NTN1: variants seen among roughly 807,000 people sequenced by gnomAD.
NTN1 encodes the protein netrin 1.
Under a neutral mutation model 54.2 loss-of-function variants are expected in NTN1, and 11 were observed. That is an observed-to-expected ratio of 0.20 (90% confidence interval 0.13 to 0.34). The LOEUF is 0.34. NTN1 is among the 10% of genes least tolerant of loss of function. NTN1 has a pLI of 1.00. For missense variants in NTN1, 740 were observed against 893.1 expected (o/e 0.83, Z 2.18); for synonymous variants, 371 against 382.0 (o/e 0.97, Z 0.33).
rs200593162 is a variant in NTN1 at position 9,100,186 on chromosome 17, G to A, written c.1019-62627G>A. On this transcript the variant is annotated intron_variant, in intron 2 of 6. Transcript: ENST00000173229. The stretch of plus-strand genomic sequence containing the variant: ...TTGTATATGCTATGTGTATATGTGT[G>A]TATATATATATTTACATATATATGC... 4.7e-3 allele frequency among the ~76,000 whole-genome samples: 165 copies of A among 35,256 alleles called. No individual in the cohort carries two copies. In the East Asian group the frequency reaches 0.17, roughly 37 times the overall value. The allele number at this position is 35,256 out of a possible 152,430, so 23.1% of individuals were successfully genotyped here.
intron 2 of NTN1, among the ~76,000 whole-genome samples, chr17:9,104,088 C>CAAAA (rs55732200): frequency 0.071 from 5,025 of 70,588 alleles, 534 homozygotes; most frequent in Non-Finnish European, 0.094. Context: ...GACTCCATCT[C>CAAAA]AAAAAAAAAA....
intron 5 of NTN1, among the ~76,000 whole-genome samples, chr17:9,202,027 A>ACAC (rs1904799986): frequency 1.8e-5 from 1 of 54,800 alleles, no homozygotes; most frequent in African/African-American, 6.9e-5. Context: ...CTCTACTAAA[A>ACAC]ATACACACAC....
At chr17:9,162,613 A>G (rs922331451) in intron 2 of NTN1, among the ~76,000 whole-genome samples, 200 bp from the exon 3 acceptor site, 2 of 152,196 alleles carry the variant, frequency 1.3e-5, no homozygotes, top group African/African-American at 4.8e-5. Flanking sequence ...AACCTTAGCC[A>G]TGTATTGTTA....
At chr17:9,187,700 G>GCA (rs1475118396) in intron 5 of NTN1, among the ~76,000 whole-genome samples, 6 of 148,426 alleles carry the variant, frequency 4.0e-5, no homozygotes, top group Non-Finnish European at 5.9e-5. Context: ...GCATGGTGAT[G>GCA]CACACCTGTA....
At chr17:9,004,313 T>G in the NTN1 span, among the ~76,000 whole-genome samples, 11 of 152,184 alleles carry the variant, frequency 7.2e-5, no homozygotes, top group Non-Finnish European at 1.3e-4. Flanking sequence ...AGAAACAGGG[T>G]CGACCTGCAC....
At chr17:9,184,510 A>G (rs2092427514) in intron 5 of NTN1, among the ~76,000 whole-genome samples, 1 of 152,186 alleles carries the variant, frequency 6.6e-6, no homozygotes, top group Admixed American at 6.5e-5. Flanking sequence ...GCTCTCTTTG[A>G]TGTGACATTT....
At chr17:9,108,462 T>C (rs558691587) in intron 2 of NTN1, among the ~76,000 whole-genome samples, 1 of 152,338 alleles carries the variant, frequency 6.6e-6, no homozygotes, top group Non-Finnish European at 1.5e-5. Context: ...TTTTCGACTT[T>C]CTGGCCTTTG....
At chr17:9,177,396 C>T (rs2092403076) in intron 3 of NTN1, 1 of 152,264 alleles carries the variant, frequency 6.6e-6, no homozygotes, top group African/African-American at 2.4e-5. Context: ...TAAAGACAAC[C>T]TGGGCCAATG....
intron 5 of NTN1, among the ~76,000 whole-genome samples, chr17:9,191,860 G>A (rs1467191146): frequency 3.5e-5 from 3 of 85,374 alleles, no homozygotes; most frequent in Non-Finnish European, 6.1e-5. Flanking sequence ...AGACCTTATC[G>A]CTACTAAAAA....
At chr17:9,162,784 C>T (rs779717804) in intron 2 of NTN1, 29 bp from the exon 3 acceptor site, 2 of 1,585,452 alleles carry the variant, frequency 1.3e-6, no homozygotes, top group Admixed American at 3.4e-5. Context: ...GCCCCTGCGG[C>T]TGACACCTCT....
intron 2 of NTN1, among the ~76,000 whole-genome samples, chr17:9,156,004 GTAGGTC>G (rs1053923393): frequency 6.6e-6 from 1 of 152,178 alleles, no homozygotes; most frequent in Non-Finnish European, 1.5e-5. Flanking sequence ...TACATGCTGA[GTAGGTC>G]TCCTGGTCCT....
chr17:9,008,181 CA>C, the NTN1 span, among the ~76,000 whole-genome samples: 1 of 152,024 alleles, frequency 6.6e-6, no homozygotes, highest in African/African-American at 2.4e-5. Context: ...CACTAAAGCC[CA>C]GTGTCTCTGT....
chr17:9,130,875 C>T (rs780607868), intron 2 of NTN1, among the ~76,000 whole-genome samples: 1 of 152,214 alleles, frequency 6.6e-6, no homozygotes, highest in African/African-American at 2.4e-5. Context: ...CATGCATTCT[C>T]TCTTGATTCT....
At chr17:9,111,890 CA>C (rs1324482222) in intron 2 of NTN1, among the ~76,000 whole-genome samples, 2 of 152,144 alleles carry the variant, frequency 1.3e-5, no homozygotes, top group African/African-American at 4.8e-5. Context: ...CTCACTGTCT[CA>C]GGGGTGGCAG....
intron 2 of NTN1, among the ~76,000 whole-genome samples, chr17:9,063,510 T>A (rs2092005389): frequency 6.6e-6 from 1 of 152,002 alleles, no homozygotes; most frequent in Admixed American, 6.6e-5. Flanking sequence ...AAGTTCCACA[T>A]TGAGCTATGA....
intron 5 of NTN1, among the ~76,000 whole-genome samples, chr17:9,199,048 T>C: frequency 6.6e-6 from 1 of 152,228 alleles, no homozygotes; most frequent in Non-Finnish European, 1.5e-5. Flanking sequence ...AAACTCTTTC[T>C]CTACTTCTCA....
chr17:9,149,656 C>G (rs2092322099), intron 2 of NTN1, among the ~76,000 whole-genome samples: 1 of 152,128 alleles, frequency 6.6e-6, no homozygotes, highest in African/African-American at 2.4e-5. Flanking sequence ...CTGCACCAGC[C>G]CCAAGACCCT....
chr17:9,034,249 G>C (rs2091896384), intron 2 of NTN1, among the ~76,000 whole-genome samples: 1 of 152,102 alleles, frequency 6.6e-6, no homozygotes, highest in African/African-American at 2.4e-5. Context: ...GGGCTCAGAG[G>C]AGGGGTACAG....
At chr17:9,018,806 T>C (rs578147734), upstream of NTN1, among the ~76,000 whole-genome samples, 190 of 152,286 alleles carry the variant, frequency 1.2e-3, no homozygotes, top group African/African-American at 4.5e-3. Flanking sequence ...TGGGTTTTGA[T>C]GCGATGCCAT....
Sources: allele counts gnomAD v4.1 joint callset (sites outside exome capture counted in the v4.1 genomes callset), GRCh38; gene constraint gnomAD v4.1.1; transcripts MANE v1.5; gene names NCBI Gene and HGNC (gene_info 2026-07-23, HGNC 2026-07-21).